Variants in STK3 observed in about 807,000 individuals in gnomAD.
STK3 encodes the protein serine/threonine-protein kinase 3.
Under a neutral mutation model 58.0 loss-of-function variants are expected in STK3, and 41 were observed. That is an observed-to-expected ratio of 0.71 (90% CI 0.55 to 0.92). The LOEUF (loss-of-function observed/expected upper bound fraction) is 0.92. Ranked by LOEUF, STK3 falls within the 40% of genes least tolerant of loss-of-function variation. The pLI is 0.00. For synonymous variants in STK3, 170 were observed against 191.0 expected (o/e 0.89, Z 0.91); for missense variants, 479 against 602.7 (o/e 0.79, Z 2.15).
chr8:98,463,548 A>G (rs891982297), intron 10 of STK3, among the ~76,000 whole-genome samples: 2 of 152,158 alleles, frequency 1.3e-5, no homozygotes, highest in Non-Finnish European at 2.9e-5. Flanking sequence ...AATTAGAATT[A>G]TTTCTGAACT....
intron 1 of STK3, among the ~76,000 whole-genome samples, chr8:98,815,437 A>C (rs1834484342): frequency 6.6e-6 from 1 of 152,216 alleles, no homozygotes. Context: ...TACTAAGAGA[A>C]ACCACGGCTT....
intron 7 of STK3, among the ~76,000 whole-genome samples, chr8:98,585,977 C>A (rs1165039687): frequency 6.6e-6 from 1 of 152,132 alleles, no homozygotes; most frequent in Non-Finnish European, 1.5e-5. Context: ...AGTTGCTTAT[C>A]AGCTTAAGGA....
intron 4 of STK3, among the ~76,000 whole-genome samples, chr8:98,744,342 C>G (rs1196216635): frequency 1.3e-5 from 2 of 151,924 alleles, no homozygotes; most frequent in African/African-American, 4.8e-5. Flanking sequence ...AAATGTCCAA[C>G]AATGATAGAC....
At chr8:98,627,496 GA>G (rs71572020) in intron 6 of STK3, among the ~76,000 whole-genome samples, 8,963 of 101,006 alleles carry the variant, frequency 0.089, 432 homozygotes, top group African/African-American at 0.21. Context: ...AAAGAAAAAA[GA>G]AAAAAAAAAA....
chr8:98,936,510 C>G lies in STK3; in HGVS notation c.-79+5868G>C, dbSNP rs1475058511. Among the ~76,000 whole-genome samples the G allele has an allele frequency of 2.0e-5, 3 of 152,338 alleles. No homozygotes were observed. In the East Asian group the frequency reaches 5.8e-4, roughly 29 times the overall value. ...TTACCAACTCTAAAATACCACTCTG[C>G]TATTGCTCCCTTGCTCTGCAAGTGT... On this transcript the variant is annotated intron_variant, in intron 1 of 1. Coordinates refer to the STK3 transcript ENST00000519420.
At chr8:98,409,900 C>A (rs1246934877) in intron 3 of STK3, among the ~76,000 whole-genome samples, 2 of 152,138 alleles carry the variant, frequency 1.3e-5, no homozygotes, top group Non-Finnish European at 2.9e-5. Flanking sequence ...CTTCCTCAGC[C>A]GGAGAGTGCC....
chr8:98,760,697 T>C (rs924820413), intron 3 of STK3, among the ~76,000 whole-genome samples: 1 of 149,904 alleles, frequency 6.7e-6, no homozygotes, highest in Admixed American at 6.8e-5. Context: ...AAATGACGTA[T>C]CTTGTTCTCG....
chr8:98,927,271 C>A (rs1327239473), intron 1 of STK3, among the ~76,000 whole-genome samples: 1 of 152,208 alleles, frequency 6.6e-6, no homozygotes, highest in Non-Finnish European at 1.5e-5. Flanking sequence ...TGTGTTGGCC[C>A]TATAGTGTTA....
chr8:98,865,999 G>A (rs1402635630), intron 3 of STK3, among the ~76,000 whole-genome samples: 2 of 152,240 alleles, frequency 1.3e-5, no homozygotes, highest in Non-Finnish European at 2.9e-5. Flanking sequence ...CTGGGATGCA[G>A]GACCATGTGC....
chr8:98,904,752 C>T lies in STK3; in HGVS notation c.-78-20918G>A. 7 of 807,308 alleles carry T rather than the reference C, an allele frequency of 8.7e-6. No individual in the cohort carries two copies. In the South Asian group the frequency reaches 9.1e-5, roughly 11 times the overall value. 50.0% of individuals were successfully genotyped at this position (807,308 alleles called of 1,614,324 possible). A position where few individuals can be genotyped will look rare whatever the true frequency, so the allele number is the denominator to read the frequency against. On this transcript the variant is annotated intron_variant, in intron 1 of 1. Transcript: ENST00000519420. ...CCAACTGTGGGGAGCATGGCTGCAGCATGACGCGGTTCCACAATAGGAGGA... is the reference window on the plus strand; with the variant it reads ...CCAACTGTGGGGAGCATGGCTGCAGTATGACGCGGTTCCACAATAGGAGGA...
intron 3 of STK3, among the ~76,000 whole-genome samples, chr8:98,843,067 A>T (rs866804039): frequency 6.7e-6 from 1 of 150,018 alleles, no homozygotes; most frequent in Middle Eastern, 3.6e-3. Flanking sequence ...ATAAATTAAT[A>T]TATATAATAT....
At chr8:98,649,438 T>C (rs1820696522) in intron 6 of STK3, among the ~76,000 whole-genome samples, 1 of 152,204 alleles carries the variant, frequency 6.6e-6, no homozygotes, top group Non-Finnish European at 1.5e-5. Flanking sequence ...ATGCATATAG[T>C]CCAGAATTCA....
At chr8:98,872,058 G>C (rs543592863) in intron 3 of STK3, among the ~76,000 whole-genome samples, 5 of 152,308 alleles carry the variant, frequency 3.3e-5, no homozygotes, top group Admixed American at 3.3e-4. Context: ...ATGAAGGGCT[G>C]TTGAATTTTT....
intron 8 of STK3, among the ~76,000 whole-genome samples, chr8:98,572,593 T>C (rs1169758998): frequency 6.6e-6 from 1 of 152,214 alleles, no homozygotes; most frequent in Non-Finnish European, 1.5e-5. Context: ...AAATTACATC[T>C]ACTAATTTTA....
intron 8 of STK3, among the ~76,000 whole-genome samples, chr8:98,565,412 AAACTCT>A (rs1812395505): frequency 6.6e-6 from 1 of 152,174 alleles, no homozygotes; most frequent in Admixed American, 6.6e-5. Context: ...TAAAGCATAT[AAACTCT>A]AAGTGATTAA....
At chr8:98,573,243 A>C (rs188476809) in intron 8 of STK3, among the ~76,000 whole-genome samples, 93 of 152,350 alleles carry the variant, frequency 6.1e-4, no homozygotes, top group Admixed American at 1.1e-3. Flanking sequence ...GTATTAGTCC[A>C]TTCTCACACT....
At chr8:98,858,979 G>T (rs1159151122) in intron 3 of STK3, among the ~76,000 whole-genome samples, 2 of 150,876 alleles carry the variant, frequency 1.3e-5, no homozygotes, top group African/African-American at 4.9e-5. Flanking sequence ...CTGAATATTT[G>T]TCAGTTAAAG....
intron 3 of STK3, among the ~76,000 whole-genome samples, chr8:98,868,156 G>A (rs2131866696): frequency 6.6e-6 from 1 of 152,226 alleles, no homozygotes; most frequent in Admixed American, 6.5e-5. Context: ...TAATCCTGGA[G>A]GCAGAATAAA....
At chr8:98,507,628 G>C (rs1397026126) in intron 10 of STK3, among the ~76,000 whole-genome samples, 2 of 152,110 alleles carry the variant, frequency 1.3e-5, no homozygotes, top group Non-Finnish European at 2.9e-5. Flanking sequence ...ACCTTCAGAA[G>C]CCTACCATCT....
Sources: gnomAD v4.1 joint callset for allele counts (sites outside exome capture counted in the v4.1 genomes callset) on GRCh38, gnomAD v4.1.1 for gene constraint, MANE v1.5 for transcripts, NCBI Gene and HGNC (gene_info 2026-07-23, HGNC 2026-07-21) for gene names.